The following SERPINB12 variants were observed in gnomAD, a reference collection of about 807,000 sequenced individuals.
The protein encoded by SERPINB12 is serpin family B member 12.
Under a neutral mutation model 41.1 loss-of-function variants are expected in SERPINB12, and 57 were observed. The ratio of observed to expected loss-of-function variants is 1.39; its 90% CI spans 1.12 to 1.73. SERPINB12 has a LOEUF of 1.73. Ranked by LOEUF, SERPINB12 falls within the 40% of genes most tolerant of loss-of-function variation. The pLI is 0.00. For missense variants in SERPINB12, 536 were observed against 501.9 expected (o/e 1.07, Z -0.65); for synonymous variants, 180 against 181.3 (o/e 0.99, Z 0.06).
At chr18:63,565,342 A>G (rs972499539) in intron 6 of SERPINB12, 103 bp from the exon 7 acceptor site, 1 of 1,081,114 alleles carries the variant, frequency 9.2e-7, no homozygotes, top group Admixed American at 2.3e-5. Context: ...CTCCTGCAGA[A>G]CCTTCTCATC....
rs1568124035 is a variant in SERPINB12 at position 63,544,787 on chromosome 18, ACT to A, written c.-19+2298_-19+2299del. On this transcript the variant is annotated intron_variant, in intron 1 of 7. Transcript: ENST00000382768. ...TTTTCCTCTTTTTATGTGTTATAAG[ACT>A]CTTAAATTTGGAGGATACAAGATAA... is the stretch of plus-strand genomic sequence containing the variant. 2.0e-5 allele frequency among the ~76,000 whole-genome samples: 3 copies of A among 151,932 alleles called. No individual in the cohort carries two copies. The East Asian group carries it at 5.8e-4, about 29-fold the overall frequency.
At chr18:63,562,229 A>G (rs1249034424) in intron 5 of SERPINB12, among the ~76,000 whole-genome samples, 2 of 152,128 alleles carry the variant, frequency 1.3e-5, no homozygotes, top group African/African-American at 4.8e-5. Context: ...TGAAAAACAG[A>G]ATAAACTCTT....
the SERPINB12 span, among the ~76,000 whole-genome samples, chr18:63,521,628 G>C: frequency 6.6e-6 from 1 of 152,150 alleles, no homozygotes; most frequent in Non-Finnish European, 1.5e-5. Flanking sequence ...AAAAAGGTAG[G>C]CACAAGCAAG....
intron 6 of SERPINB12, among the ~76,000 whole-genome samples, chr18:63,564,522 C>A (rs1241374073): frequency 1.3e-5 from 2 of 152,202 alleles, no homozygotes; most frequent in Non-Finnish European, 2.9e-5. Context: ...CAGCCACCCA[C>A]TTGTTGGCCA....
intron 1 of SERPINB12, among the ~76,000 whole-genome samples, chr18:63,551,544 T>A (rs1012497234): frequency 1.3e-5 from 2 of 152,058 alleles, no homozygotes; most frequent in African/African-American, 4.8e-5. Context: ...GGGCTGCATG[T>A]ATGATTTCTT....
chr18:63,527,049 C>T, the SERPINB12 span, among the ~76,000 whole-genome samples: 1,241 of 152,158 alleles, frequency 8.2e-3, 18 homozygotes, highest in African/African-American at 0.028. Flanking sequence ...CGTATGAAAC[C>T]TCAGTCCTGT....
At chr18:63,530,777 A>ACAG in the SERPINB12 span, among the ~76,000 whole-genome samples, 1 of 152,216 alleles carries the variant, frequency 6.6e-6, no homozygotes, top group East Asian at 1.9e-4. Flanking sequence ...GAAGTATGTC[A>ACAG]CAGAAAGGTA....
the SERPINB12 span, among the ~76,000 whole-genome samples, chr18:63,528,485 A>C: frequency 0.014 from 2,184 of 152,284 alleles, 44 homozygotes; most frequent in African/African-American, 0.049. Flanking sequence ...GATGGTGGAT[A>C]CTGCCCTAGT....
Position 63,563,228 on chromosome 18 carries a change from A to T in SERPINB12, c.563-750A>T, listed in dbSNP as rs186046265. Among the ~76,000 whole-genome samples, 5 of 152,334 alleles carry T rather than the reference A, an allele frequency of 3.3e-5. No individual in the cohort carries two copies. In the East Asian group the frequency reaches 9.6e-4, roughly 29 times the overall value. ...TAGGTTTTATATCATGGTCTAGCAC[A>T]TTTATGTGTATTTTTGTTTACATGT... On this transcript the variant is annotated intron_variant, in intron 5 of 7. Coordinates refer to ENST00000382768, the MANE Select transcript of SERPINB12 (RefSeq NM_001307928.2).
In SERPINB12 at chr18:63,559,663, A is replaced by G. The variant is rs1910834788; in HGVS notation, c.389A>G (p.Tyr130Cys). The G allele has an allele frequency of 1.2e-6, 2 of 1,613,988 alleles. No individual in the cohort carries two copies. The highest frequency in any genetic ancestry group is 1.7e-5 in the Admixed American group (1 of 60,004). Reference sequence around the variant, plus strand: ...AAATTAGACAGGATCAAGACTGATTACACACTGAGTATTGCCAACAGGCTT... The same window carrying G: ...AAATTAGACAGGATCAAGACTGATTGCACACTGAGTATTGCCAACAGGCTT... ...LSKLDRIKTD[Y>C]TLSIANRLYG... is the part of the protein sequence containing the mutation. Residue 130 changes from tyrosine (Y) to cysteine (C), a missense_variant, in exon 4 of 8, where the codon TAC becomes TGC. Transcript: ENST00000382768.
intron 1 of SERPINB12, among the ~76,000 whole-genome samples, chr18:63,544,639 T>A (rs1910344375): frequency 1.3e-5 from 2 of 152,250 alleles, no homozygotes; most frequent in East Asian, 1.9e-4. Context: ...CAGCTGACAT[T>A]TTTTCAATCC....
rs147964232 is a variant in SERPINB12, at chr18:63,559,396, C to T, written c.304-182C>T. ...TGGGAGCCATAATCTTCCACTGGGA[C>T]CACTTCTCACCCTCCATTCCTCTGT... On this transcript the variant is annotated intron_variant, in intron 3 of 7. Transcript: ENST00000382768. Among the ~76,000 whole-genome samples the T allele has an allele frequency of 2.6e-5, 4 of 152,234 alleles. No individual in the cohort carries two copies. The East Asian group carries it at 7.7e-4, about 29-fold the overall frequency.
At chr18:63,520,493 C>T in the SERPINB12 span, among the ~76,000 whole-genome samples, 1 of 152,102 alleles carries the variant, frequency 6.6e-6, no homozygotes, top group Non-Finnish European at 1.5e-5. Flanking sequence ...ACATCCACCC[C>T]CAGGAGATTG....
intron 1 of SERPINB12, among the ~76,000 whole-genome samples, chr18:63,548,219 G>A (rs921799386): frequency 6.6e-6 from 1 of 151,920 alleles, no homozygotes; most frequent in African/African-American, 2.4e-5. Context: ...AAGAAAACAA[G>A]CAAAATAGAT....
chr18:63,545,718 G>A (rs1256861981), intron 1 of SERPINB12, among the ~76,000 whole-genome samples: 1 of 152,122 alleles, frequency 6.6e-6, no homozygotes, highest in African/African-American at 2.4e-5. Flanking sequence ...AACTCATCCT[G>A]TTCTGAATAT....
upstream of SERPINB12, among the ~76,000 whole-genome samples, chr18:63,538,048 A>G (rs148596128): frequency 1.3e-5 from 2 of 152,260 alleles, no homozygotes; most frequent in African/African-American, 4.8e-5. Flanking sequence ...CTCAATGATT[A>G]TTTGTTGAAT....
At chr18:63,519,675 AGCCCTGAAGGCTGG>A in the SERPINB12 span, among the ~76,000 whole-genome samples, 8 of 152,162 alleles carry the variant, frequency 5.3e-5, no homozygotes, top group Non-Finnish European at 1.2e-4. Context: ...GGTGGAATCC[AGCCCTGAAGGCTGG>A]GAGTTGGTAA....
intron 4 of SERPINB12, among the ~76,000 whole-genome samples, chr18:63,560,566 A>T (rs888177252): frequency 1.3e-5 from 2 of 152,252 alleles, no homozygotes; most frequent in Non-Finnish European, 2.9e-5. Flanking sequence ...CTGATTTTTT[A>T]AAATTATAGT....
chr18:63,562,955 GC>G (rs1232043832), intron 5 of SERPINB12, among the ~76,000 whole-genome samples: 1 of 152,206 alleles, frequency 6.6e-6, no homozygotes, highest in East Asian at 1.9e-4. Context: ...CTAGCCTGGG[GC>G]TTTTCAAGTG....
Sources: gnomAD v4.1 joint callset for allele counts (sites outside exome capture counted in the v4.1 genomes callset) on GRCh38, gnomAD v4.1.1 for gene constraint, MANE v1.5 for transcripts, NCBI Gene and HGNC (gene_info 2026-07-23, HGNC 2026-07-21) for gene names.